Variants in PAN3 observed in about 807,000 individuals in gnomAD.
PAN3 encodes PAN2-PAN3 deadenylation complex subunit PAN3.
In PAN3, 19 loss-of-function variants were observed where a neutral mutation model predicts 96.2. The ratio of observed to expected loss-of-function variants is 0.20; its 90% CI spans 0.14 to 0.29. The LOEUF (loss-of-function observed/expected upper bound fraction) is 0.29, where lower values mean the gene tolerates loss of function less well. PAN3 is among the 10% of genes least tolerant of loss of function. PAN3 has a pLI of 1.00. For missense variants in PAN3, 882 were observed against 1,108.1 expected (o/e 0.80, Z 2.90); for synonymous variants, 433 against 406.6 (o/e 1.06, Z -0.78).
intron 1 of PAN3, among the ~76,000 whole-genome samples, chr13:28,158,879 GAAA>G (rs373914232): frequency 2.6e-4 from 27 of 105,132 alleles, no homozygotes; most frequent in Admixed American, 5.1e-4. Context: ...CTCCATCTCA[GAAA>G]AAAAAAAAAA....
chr13:28,222,335 A>G (rs918518771), intron 6 of PAN3, among the ~76,000 whole-genome samples: 4 of 152,280 alleles, frequency 2.6e-5, no homozygotes, highest in Non-Finnish European at 2.9e-5. Context: ...CTGAAAATCT[A>G]TTCTTCTACA....
intron 1 of PAN3, among the ~76,000 whole-genome samples, chr13:28,149,066 AAC>A (rs1871040950): frequency 6.6e-6 from 1 of 152,074 alleles, no homozygotes; most frequent in African/African-American, 2.4e-5. Context: ...ATTAAAAAAA[AAC>A]ACTGTGTGGG....
intron 1 of PAN3, among the ~76,000 whole-genome samples, chr13:28,172,058 C>T (rs1874374791): frequency 1.3e-5 from 2 of 152,172 alleles, no homozygotes; most frequent in Admixed American, 6.5e-5. Flanking sequence ...GCTCCTAGTG[C>T]CTATCACTTA....
At chr13:28,200,949 G>C (rs1278168505) in intron 5 of PAN3, among the ~76,000 whole-genome samples, 3 of 152,040 alleles carry the variant, frequency 2.0e-5, no homozygotes, top group Non-Finnish European at 4.4e-5. Flanking sequence ...GTTTTCCAGG[G>C]ATCTCCATAA....
intron 5 of PAN3, among the ~76,000 whole-genome samples, chr13:28,204,326 C>G (rs1004648503): frequency 3.3e-5 from 5 of 152,220 alleles, no homozygotes; most frequent in African/African-American, 1.2e-4. Context: ...TCAACATTTT[C>G]TATTTGTTCT....
chr13:28,150,637 CA>C (rs71737721), intron 1 of PAN3, among the ~76,000 whole-genome samples: 13,459 of 73,996 alleles, frequency 0.18, 575 homozygotes, highest in African/African-American at 0.28. Context: ...ACTCTGTCTC[CA>C]AAAAAAAAAA....
At chr13:28,154,582 C>T (rs1347123569) in intron 1 of PAN3, among the ~76,000 whole-genome samples, 1 of 152,056 alleles carries the variant, frequency 6.6e-6, no homozygotes, top group Non-Finnish European at 1.5e-5. Context: ...GCAACCTCTG[C>T]CTCTAGGGTT....
intron 1 of PAN3, among the ~76,000 whole-genome samples, chr13:28,150,907 A>G (rs1593362510): frequency 6.6e-6 from 1 of 152,190 alleles, no homozygotes; most frequent in East Asian, 1.9e-4. Flanking sequence ...ATTTATAAAT[A>G]TAACCCCAGT....
chr13:28,243,135 C>G (rs1883841068), intron 6 of PAN3, among the ~76,000 whole-genome samples: 1 of 152,074 alleles, frequency 6.6e-6, no homozygotes, highest in Non-Finnish European at 1.5e-5. Flanking sequence ...CTTGTGCTGG[C>G]TAGGGCCTTT....
At chr13:28,228,906 A>T (rs1274879210) in intron 6 of PAN3, among the ~76,000 whole-genome samples, 1 of 152,176 alleles carries the variant, frequency 6.6e-6, no homozygotes, top group African/African-American at 2.4e-5. Context: ...AATATGACAA[A>T]AATGTATTTC....
chr13:28,138,525 T>A, upstream of PAN3: 1 of 128,784 alleles, frequency 7.8e-6, no homozygotes, highest in Non-Finnish European at 1.5e-5. Flanking sequence ...CGGCTCCGGC[T>A]CCCGCAGCGG....
At chr13:28,223,268 T>C (rs1881594655) in intron 6 of PAN3, among the ~76,000 whole-genome samples, 1 of 152,238 alleles carries the variant, frequency 6.6e-6, no homozygotes, top group Admixed American at 6.5e-5. Flanking sequence ...GTGACATGTA[T>C]TTCTATCAAA....
chr13:28,196,016 G>GT (rs1199709442), intron 4 of PAN3, among the ~76,000 whole-genome samples: 43 of 147,056 alleles, frequency 2.9e-4, no homozygotes, highest in African/African-American at 7.8e-4. Flanking sequence ...CTGGCTATAG[G>GT]TTTTTTTTTG....
In PAN3 at chr13:28,139,012, C is replaced by T. The variant is rs1458058205; in HGVS notation, c.355C>T (p.Leu119=). The change falls in exon 1 of 19, where the codon CTG becomes TTG. Residue 119 remains leucine, a synonymous_variant. Coordinates refer to ENST00000380958, the MANE Select transcript of PAN3 (RefSeq NM_175854.8). Reference sequence around the variant, plus strand: ...GCCCCCCGGGCCCAAGAAGCCGGACCTGGGGGACCCGGGGACCGGAGCCGC... The same window carrying T: ...GCCCCCCGGGCCCAAGAAGCCGGACTTGGGGGACCCGGGGACCGGAGCCGC... ...GPPPGPKKPD[L]GDPGTGAAAG... The T allele has an allele frequency of 1.6e-6, 2 of 1,275,364 alleles. No individual in the cohort carries two copies. Among genetic ancestry groups the T allele is most frequent in the Non-Finnish European group, 2.0e-6 (2 of 1,011,356 alleles). 79.0% of individuals were successfully genotyped at this position (1,275,364 alleles called of 1,614,324 possible).
intron 5 of PAN3, among the ~76,000 whole-genome samples, chr13:28,218,495 G>T (rs1348352425): frequency 6.6e-6 from 1 of 152,144 alleles, no homozygotes; most frequent in African/African-American, 2.4e-5. Context: ...TGTTGAGTAG[G>T]TTTTGGCATC....
rs920499473 is a variant in PAN3, at chr13:28,161,490, A to G, written c.431-12782A>G. Among the ~76,000 whole-genome samples, 14 of 152,196 alleles carry G rather than the reference A, an allele frequency of 9.2e-5. 2 individuals carry two copies. Among genetic ancestry groups the G allele is most frequent in the Admixed American group, 8.5e-4 (13 of 15,258 alleles). On this transcript the variant is annotated intron_variant, in intron 1 of 18. Transcript: ENST00000380958. ...GTCATACTGGATTAGGACTGCCCTA[A>G]TGACCTCATCTTTAATTATATCTGC...
At chr13:28,267,920 A>G (rs1269788415) in intron 12 of PAN3, among the ~76,000 whole-genome samples, 1 of 152,184 alleles carries the variant, frequency 6.6e-6, no homozygotes, top group Non-Finnish European at 1.5e-5. Context: ...TGTCAAAGAA[A>G]TGGAGATGAT....
In PAN3 at chr13:28,287,556, G is replaced by A. The variant is rs185058225; in HGVS notation, c.2385-428G>A. On this transcript the variant is annotated intron_variant, in intron 17 of 18. Coordinates refer to ENST00000380958, the MANE Select transcript of PAN3 (RefSeq NM_175854.8). ...TCACAGCTTGTTTTCACATGGAATG[G>A]TAGGAAACCGATATTTACTTCCTTT... Among the ~76,000 whole-genome samples, 36 of 152,286 alleles carry A rather than the reference G, an allele frequency of 2.4e-4. No individual in the cohort carries two copies. In the Middle Eastern group the frequency reaches 0.01, roughly 43 times the overall value.
chr13:28,141,608 C>T (rs1019466435), intron 1 of PAN3, among the ~76,000 whole-genome samples: 1 of 151,590 alleles, frequency 6.6e-6, no homozygotes, highest in South Asian at 2.1e-4. Flanking sequence ...GCTGGGATTA[C>T]AGGCAGGCAC....
Sources: gnomAD v4.1 joint callset for allele counts (sites outside exome capture counted in the v4.1 genomes callset) on GRCh38, gnomAD v4.1.1 for gene constraint, MANE v1.5 for transcripts, NCBI Gene and HGNC (gene_info 2026-07-23, HGNC 2026-07-21) for gene names.